Variants in ANO10 observed in about 807,000 individuals in gnomAD.
The protein encoded by ANO10 is anoctamin-10.
A neutral mutation model predicts 74.7 loss-of-function variants in ANO10; 77 were observed. The ratio of observed to expected loss-of-function variants is 1.03; its 90% CI spans 0.86 to 1.25. The LOEUF (loss-of-function observed/expected upper bound fraction) is 1.25, where lower values mean the gene tolerates loss of function less well. Among genes scored for constraint, ANO10 ranks in the 50% most tolerant of loss-of-function variants. The pLI is 0.00. For synonymous variants in ANO10, 279 were observed against 284.9 expected (o/e 0.98, Z 0.21); for missense variants, 721 against 778.1 (o/e 0.93, Z 0.87).
At chr3:43,566,842 T>C (rs577953844) in intron 7 of ANO10, among the ~76,000 whole-genome samples, 4 of 152,198 alleles carry the variant, frequency 2.6e-5, no homozygotes, top group Non-Finnish European at 5.9e-5. Flanking sequence ...AGAATAACTT[T>C]GACGAGCTGA....
chr3:43,593,894 C>T (rs1374056874), intron 4 of ANO10, among the ~76,000 whole-genome samples: 4 of 151,936 alleles, frequency 2.6e-5, no homozygotes, highest in African/African-American at 9.7e-5. Context: ...CACATAGGCT[C>T]AAAATAAAGG....
intron 2 of ANO10, among the ~76,000 whole-genome samples, chr3:43,601,792 C>T (rs965928): frequency 0.1 from 15,618 of 152,196 alleles, 1,491 homozygotes; most frequent in Admixed American, 0.27. Context: ...TGCTGTTTCT[C>T]ACTTCTCACA....
At chr3:43,648,145 C>A (rs1009390194) in intron 1 of ANO10, among the ~76,000 whole-genome samples, 1 of 152,190 alleles carries the variant, frequency 6.6e-6, no homozygotes, top group African/African-American at 2.4e-5. Context: ...AAGTTTTATA[C>A]TTTATTCACA....
chr3:43,389,891 C>G (rs1005865138), intron 12 of ANO10, among the ~76,000 whole-genome samples: 3 of 152,110 alleles, frequency 2.0e-5, no homozygotes, highest in Non-Finnish European at 4.4e-5. Context: ...GAGGAAAGCA[C>G]GTACTAGACG....
At chr3:43,572,721 C>T (rs1559722304) in intron 7 of ANO10, among the ~76,000 whole-genome samples, 1 of 152,230 alleles carries the variant, frequency 6.6e-6, no homozygotes, top group Non-Finnish European at 1.5e-5. Context: ...CTTTCTGCCT[C>T]CCAGCCCCCA....
intron 7 of ANO10, among the ~76,000 whole-genome samples, chr3:43,572,290 C>A (rs920195678): frequency 1.5e-4 from 23 of 152,184 alleles, no homozygotes; most frequent in African/African-American, 4.8e-4. Context: ...CTTGCTGGGC[C>A]TGGGACTCCC....
At chr3:43,638,222 T>C (rs1011340618) in intron 1 of ANO10, among the ~76,000 whole-genome samples, 1 of 152,212 alleles carries the variant, frequency 6.6e-6, no homozygotes, top group Non-Finnish European at 1.5e-5. Flanking sequence ...TGCATTACAA[T>C]TGAAGAGATG....
rs192336373 is a variant in ANO10, at chr3:43,489,888, C to A, written c.1798-57161G>T. On this transcript the variant is annotated intron_variant, in intron 11 of 12. Transcript: ENST00000292246. ...ATTTAAGAAAAAAAAAACTATCTTA[C>A]AAAAATCAACAACTATCTAAACATT... Among the ~76,000 whole-genome samples, 3 of 151,832 alleles carry A rather than the reference C, an allele frequency of 2.0e-5. 1 individual carries two copies. The highest frequency in any genetic ancestry group is 7.2e-5 in the African/African-American group (3 of 41,414).
chr3:43,654,969 A>T (rs1407390316), intron 1 of ANO10, among the ~76,000 whole-genome samples: 2 of 152,240 alleles, frequency 1.3e-5, no homozygotes, highest in Admixed American at 1.3e-4. Context: ...TACCTTGGTC[A>T]CTGACTTTAT....
At chr3:43,681,730 T>C (rs2084204157) in intron 1 of ANO10, among the ~76,000 whole-genome samples, 1 of 152,156 alleles carries the variant, frequency 6.6e-6, no homozygotes, top group Non-Finnish European at 1.5e-5. Flanking sequence ...ACAAACTGTC[T>C]CTCAGACCAC....
At chr3:43,478,695 C>T (rs2149079136) in intron 11 of ANO10, among the ~76,000 whole-genome samples, 1 of 152,316 alleles carries the variant, frequency 6.6e-6, no homozygotes, top group Non-Finnish European at 1.5e-5. Context: ...ATGTAGTATT[C>T]ATATTTGACA....
intron 1 of ANO10, among the ~76,000 whole-genome samples, chr3:43,616,171 C>T (rs75695419): frequency 0.059 from 9,010 of 152,132 alleles, 373 homozygotes; most frequent in Admixed American, 0.11. Context: ...CTTCAGAGAG[C>T]TGGACAATGA....
At chr3:43,473,963 G>C (rs1476711131) in intron 11 of ANO10, among the ~76,000 whole-genome samples, 1 of 152,160 alleles carries the variant, frequency 6.6e-6, no homozygotes. Flanking sequence ...GGAGGGTTCA[G>C]AGCAAACACA....
intron 11 of ANO10, among the ~76,000 whole-genome samples, chr3:43,528,921 T>C (rs2078330875): frequency 6.6e-6 from 1 of 151,710 alleles, no homozygotes; most frequent in Non-Finnish European, 1.5e-5. Flanking sequence ...ACTGCATCAC[T>C]GTACTCCAGC....
chr3:43,576,292 T>C (rs1007991810), intron 6 of ANO10, among the ~76,000 whole-genome samples: 9 of 152,172 alleles, frequency 5.9e-5, no homozygotes, highest in African/African-American at 1.9e-4. Context: ...CACAATGTTA[T>C]GTATTAGGAG....
chr3:43,659,254 T>C (rs2083892465), intron 1 of ANO10, among the ~76,000 whole-genome samples: 1 of 152,110 alleles, frequency 6.6e-6, no homozygotes, highest in South Asian at 2.1e-4. Context: ...GGGTGGGGCG[T>C]CACCTCACCC....
At chr3:43,631,111 C>T (rs942127147) in intron 1 of ANO10, among the ~76,000 whole-genome samples, 6 of 152,150 alleles carry the variant, frequency 3.9e-5, no homozygotes, top group Admixed American at 1.3e-4. Context: ...TCAGTGCGGT[C>T]TTCTCTCCAT....
chr3:43,632,064 C>A (rs1178397955), intron 1 of ANO10, among the ~76,000 whole-genome samples: 2 of 146,528 alleles, frequency 1.4e-5, no homozygotes, highest in African/African-American at 2.5e-5. Context: ...CAGAGTGAGA[C>A]TCTGTCTCAA....
intron 11 of ANO10, among the ~76,000 whole-genome samples, chr3:43,469,782 A>T (rs1000390623): frequency 6.6e-6 from 1 of 152,168 alleles, no homozygotes. Context: ...AGGTTCACAT[A>T]TGTCTGTATA....
Sources: gnomAD v4.1 joint callset for allele counts (sites outside exome capture counted in the v4.1 genomes callset) on GRCh38, gnomAD v4.1.1 for gene constraint, MANE v1.5 for transcripts, NCBI Gene and HGNC (gene_info 2026-07-23, HGNC 2026-07-21) for gene names.